The following GREB1L variants were observed in gnomAD, a reference collection of about 807,000 sequenced individuals.
The protein encoded by GREB1L is GREB1-like protein.
A neutral mutation model predicts 200.8 loss-of-function variants in GREB1L; 17 were observed. The ratio of observed to expected loss-of-function variants is 0.08; its 90% CI spans 0.06 to 0.13. GREB1L has a LOEUF of 0.13. Among genes scored for constraint, GREB1L ranks in the 10% least tolerant of loss-of-function variants. The pLI is 1.00. For missense variants in GREB1L, 1,657 were observed against 2,367.7 expected (o/e 0.70, Z 6.23); for synonymous variants, 789 against 893.0 (o/e 0.88, Z 2.08).
intron 1 of GREB1L, among the ~76,000 whole-genome samples, chr18:21,319,289 C>T (rs772405059): frequency 5.3e-5 from 8 of 152,292 alleles, no homozygotes; most frequent in Non-Finnish European, 1.0e-4. Flanking sequence ...ACCAAATTGA[C>T]GAAGCCCAAT....
At chr18:21,501,814 C>T (rs1360304884) in intron 23 of GREB1L, among the ~76,000 whole-genome samples, 2 of 152,034 alleles carry the variant, frequency 1.3e-5, no homozygotes, top group Non-Finnish European at 2.9e-5. Context: ...GAACTGAATG[C>T]TGGCACTATG....
At chr18:21,305,815 T>C (rs530828637) in intron 1 of GREB1L, among the ~76,000 whole-genome samples, 1 of 152,292 alleles carries the variant, frequency 6.6e-6, no homozygotes. Context: ...CTTACTGGCC[T>C]TCTGACTATT....
intron 1 of GREB1L, among the ~76,000 whole-genome samples, chr18:21,277,603 C>T (rs1315988855): frequency 2.0e-5 from 3 of 152,160 alleles, no homozygotes; most frequent in Non-Finnish European, 4.4e-5. Flanking sequence ...AATCTCTAGT[C>T]CCAGCCTAGG....
At chr18:21,305,806 T>C (rs1258382811) in intron 1 of GREB1L, among the ~76,000 whole-genome samples, 1 of 152,206 alleles carries the variant, frequency 6.6e-6, no homozygotes. Context: ...TTCCTTTCAC[T>C]TACTGGCCTT....
chr18:21,397,101 C>T (rs945232910), intron 5 of GREB1L, among the ~76,000 whole-genome samples: 1 of 152,144 alleles, frequency 6.6e-6, no homozygotes, highest in African/African-American at 2.4e-5. Context: ...TGAGCCTGCA[C>T]ACGCTTTATA....
At chr18:21,438,147 G>C (rs536271945) in intron 7 of GREB1L, among the ~76,000 whole-genome samples, 4 of 152,180 alleles carry the variant, frequency 2.6e-5, no homozygotes, top group Admixed American at 2.0e-4. Context: ...GGTGATACAT[G>C]CCTGTAGCCC....
At chr18:21,418,701 T>A (rs570788175) in intron 7 of GREB1L, among the ~76,000 whole-genome samples, 2 of 152,150 alleles carry the variant, frequency 1.3e-5, no homozygotes, top group African/African-American at 4.8e-5. Context: ...TTTTTTGTAT[T>A]TTTATTAGAG....
chr18:21,378,996 A>G (rs982167550), intron 2 of GREB1L, among the ~76,000 whole-genome samples: 1 of 151,992 alleles, frequency 6.6e-6, no homozygotes, highest in African/African-American at 2.4e-5. Flanking sequence ...CAGTCTTCCA[A>G]AGTGCTGGGA....
intron 7 of GREB1L, among the ~76,000 whole-genome samples, chr18:21,428,884 A>G (rs1191633741): frequency 6.6e-6 from 1 of 151,170 alleles, no homozygotes; most frequent in African/African-American, 2.4e-5. Context: ...CACCTAGCTA[A>G]TTTTTGTATT....
At chr18:21,461,956 T>C (rs944609103) in intron 15 of GREB1L, among the ~76,000 whole-genome samples, 1 of 152,186 alleles carries the variant, frequency 6.6e-6, no homozygotes, top group African/African-American at 2.4e-5. Flanking sequence ...GAGACATTAG[T>C]TAATGTGTTC....
chr18:21,304,437 C>T (rs1284317693), intron 1 of GREB1L, among the ~76,000 whole-genome samples: 2 of 152,034 alleles, frequency 1.3e-5, no homozygotes, highest in African/African-American at 2.4e-5. Context: ...TGAGGCACAA[C>T]AGCCTATAGA....
intron 17 of GREB1L, among the ~76,000 whole-genome samples, chr18:21,482,360 C>T (rs1275518158): frequency 2.0e-5 from 3 of 152,206 alleles, no homozygotes; most frequent in Admixed American, 6.5e-5. Context: ...CGGGTTCAAG[C>T]GATTCGTCTG....
intron 23 of GREB1L, among the ~76,000 whole-genome samples, chr18:21,502,027 A>G (rs2036815790): frequency 2.0e-5 from 3 of 152,128 alleles, no homozygotes; most frequent in Admixed American, 2.0e-4. Flanking sequence ...TTGGGAGGCC[A>G]AGGCGGGCGG....
intron 4 of GREB1L, among the ~76,000 whole-genome samples, chr18:21,388,187 CTTAA>C (rs1328307458): frequency 6.6e-6 from 1 of 152,128 alleles, no homozygotes; most frequent in Non-Finnish European, 1.5e-5. Flanking sequence ...CTATTCTCTT[CTTAA>C]TTAAATTGCC....
At chr18:21,347,461 CTT>C (rs1167550131) in intron 1 of GREB1L, among the ~76,000 whole-genome samples, 2 of 144,976 alleles carry the variant, frequency 1.4e-5, no homozygotes, top group Admixed American at 1.4e-4. Context: ...TTGCTTCACT[CTT>C]TTTTTTTTTT....
chr18:21,342,979 G>A (rs907032194), intron 1 of GREB1L, among the ~76,000 whole-genome samples: 1 of 152,062 alleles, frequency 6.6e-6, no homozygotes, highest in Non-Finnish European at 1.5e-5. Context: ...TAACCAATTG[G>A]CATTTTACCT....
chr18:21,303,560 G>T (rs1255606585), intron 1 of GREB1L, among the ~76,000 whole-genome samples: 3 of 152,170 alleles, frequency 2.0e-5, no homozygotes, highest in Non-Finnish European at 4.4e-5. Flanking sequence ...TGATTCAAAG[G>T]TGTGATGTTA....
intron 23 of GREB1L, among the ~76,000 whole-genome samples, chr18:21,502,622 C>T (rs759922135): frequency 3.3e-5 from 5 of 152,214 alleles, no homozygotes; most frequent in African/African-American, 4.8e-5. Context: ...GACACACACA[C>T]GAATTCATCT....
intron 1 of GREB1L, among the ~76,000 whole-genome samples, chr18:21,302,821 A>G (rs1256163741): frequency 6.6e-6 from 1 of 152,096 alleles, no homozygotes; most frequent in African/African-American, 2.4e-5. Context: ...TCCCAGGTTC[A>G]AGCAATTCTC....
Sources: allele counts gnomAD v4.1 joint callset (sites outside exome capture counted in the v4.1 genomes callset), GRCh38; gene constraint gnomAD v4.1.1; transcripts MANE v1.5; gene names NCBI Gene and HGNC (gene_info 2026-07-23, HGNC 2026-07-21).